ETV3: variants seen among roughly 807,000 people sequenced by gnomAD.
ETV3 encodes ETS variant transcription factor 3.
In ETV3, 8 loss-of-function variants were observed where a neutral mutation model predicts 33.0. That is an observed-to-expected ratio of 0.24 (90% CI 0.14 to 0.44). The LOEUF (loss-of-function observed/expected upper bound fraction) is 0.44. ETV3 is among the 20% of genes least tolerant of loss of function. The pLI, the probability that ETV3 is intolerant of heterozygous loss-of-function variation, is 1.00. For synonymous variants in ETV3, 222 were observed against 238.9 expected (o/e 0.93, Z 0.65); for missense variants, 473 against 652.3 (o/e 0.73, Z 2.99).
At position 157,124,589 on chromosome 1, in the gene ETV3, T is replaced by TA. The variant is rs1553246488; in HGVS notation, c.*251dup. 2 of 371,596 alleles carry TA rather than the reference T, an allele frequency of 5.4e-6. No homozygotes were observed. The highest frequency in any genetic ancestry group is 9.6e-6 in the Non-Finnish European group (2 of 208,462). 23.0% of individuals were successfully genotyped at this position (371,596 alleles called of 1,614,324 possible). A position where few individuals can be genotyped will look rare whatever the true frequency, so the allele number is the denominator to read the frequency against. The stretch of plus-strand genomic sequence containing the variant: ...AGAAAGTATAAGCCTCAACAGGAAA[T>TA]AGAGGCTCCTTCTCCTTTGAGTTCA... On this transcript the variant is annotated 3_prime_UTR_variant, in exon 5 of 5. Coordinates refer to ENST00000368192, the MANE Select transcript of ETV3 (RefSeq NM_001145312.3).
intron 3 of ETV3, chr1:157,135,033 G>C (rs967007162): frequency 3.5e-5 from 7 of 201,072 alleles, no homozygotes; most frequent in Admixed American, 1.6e-4. Flanking sequence ...TTCCGGAATA[G>C]ATAGGTCAGT....
In ETV3 at chr1:157,125,881, C is replaced by A; in HGVS notation, c.499G>T (p.Gly167Ter). ...GTTAGGGAGCTAGCAGAGAACCGTC[C>A]CGGCTGCACATCATTGGTTGGAGAA... ...THSPTNDVQPGRFSASSLTAS... is the reference protein window; with the variant it reads ...THSPTNDVQP The change falls in exon 5 of 5, where the codon GGA becomes TGA. Residue 167 changes from glycine to a stop codon, truncating the protein, a stop_gained. Coordinates refer to ENST00000368192, the MANE Select transcript of ETV3 (RefSeq NM_001145312.3). LOFTEE classifies it high-confidence loss of function. This position sits in a 1 kb window ranked among gnomAD's most constrained non-coding sequence, Gnocchi z 4.0. 6.4e-7 allele frequency: 1 copy of A among 1,551,720 alleles called. No homozygotes were observed. Among genetic ancestry groups the A allele is most frequent in the Non-Finnish European group, 8.7e-7 (1 of 1,147,012 alleles).
intron 2 of ETV3, 25 bp downstream of exon 2, chr1:157,136,282 T>G: frequency 6.2e-7 from 1 of 1,610,746 alleles, no homozygotes; most frequent in Non-Finnish European, 8.5e-7. Flanking sequence ...TCCAGGTACA[T>G]CAGAGATGAT....
Position 157,136,364 on chromosome 1 carries a change from T to C in ETV3, c.-12A>G. 1.2e-6 allele frequency: 2 copies of C among 1,607,808 alleles called. No individual in the cohort carries two copies. Among genetic ancestry groups the C allele is most frequent in the Non-Finnish European group, 1.7e-6 (2 of 1,177,574 alleles). ...CAGCCGGCTTTCATTTTCACCCGCC[T>C]GCTGAGAGACACAAGCCACACAATT... On this transcript the variant is annotated splice_region_variant and 5_prime_UTR_variant, in exon 2 of 5. Coordinates refer to ENST00000368192, the MANE Select transcript of ETV3 (RefSeq NM_001145312.3).
chr1:157,131,699 G>C (rs569441407), intron 4 of ETV3, among the ~76,000 whole-genome samples: 39 of 152,256 alleles, frequency 2.6e-4, no homozygotes, highest in African/African-American at 8.9e-4. Context: ...TGTAAAATGT[G>C]GATATCAAGA....
chr1:157,124,783 C>A lies in ETV3; in HGVS notation c.*58G>T. ...TCCCCCCCACCCTGAAATCTTGCTA[C>A]ATAAATACATGTATGTATTTGATTA... On this transcript the variant is annotated 3_prime_UTR_variant, in exon 5 of 5. Transcript: ENST00000368192. The A allele has an allele frequency of 1.3e-5, 3 of 226,092 alleles. No homozygotes were observed. Among genetic ancestry groups the A allele is most frequent in the Non-Finnish European group, 2.3e-5 (3 of 129,672 alleles). The allele number at this position is 226,092 out of a possible 1,614,324, so 14.0% of individuals were successfully genotyped here. A position where few individuals can be genotyped will look rare whatever the true frequency, so the allele number is the denominator to read the frequency against.
At position 157,124,696 on chromosome 1, in the gene ETV3, C is replaced by T; in HGVS notation, c.*145G>A. 1 of 824,968 alleles carries T rather than the reference C, an allele frequency of 1.2e-6. No homozygotes were observed. Among genetic ancestry groups the T allele is most frequent in the Non-Finnish European group, 1.8e-6 (1 of 551,652 alleles). The allele number at this position is 824,968 out of a possible 1,614,324, so 51.1% of individuals were successfully genotyped here. On this transcript the variant is annotated 3_prime_UTR_variant, in exon 5 of 5. Coordinates refer to ENST00000368192, the MANE Select transcript of ETV3 (RefSeq NM_001145312.3). ...TTTACAACAGAAGATAACCCCATCC[C>T]ATCCCCAAAACATAAAAATACAAGT...
At position 157,124,736 on chromosome 1, in the gene ETV3, T is replaced by C. The variant is rs762235763; in HGVS notation, c.*105A>G. 7.5e-5 allele frequency: 86 copies of C among 1,149,450 alleles called. No homozygotes were observed. Among genetic ancestry groups the C allele is most frequent in the Admixed American group, 1.2e-4 (4 of 34,134 alleles). 71.2% of individuals were successfully genotyped at this position (1,149,450 alleles called of 1,614,324 possible). ...AAAATACAAGTCTATGCCCCTAGAA[T>C]GATCAAACCAGTTTAACTCCCTCCC... On this transcript the variant is annotated 3_prime_UTR_variant, in exon 5 of 5. Transcript: ENST00000368192.
chr1:157,123,426 T>C lies in ETV3; in HGVS notation c.*1415A>G, dbSNP rs536404025. The C allele has an allele frequency of 2.0e-5, 3 of 152,386 alleles. No individual in the cohort carries two copies. Among genetic ancestry groups the C allele is most frequent in the African/African-American group, 4.8e-5 (2 of 41,590 alleles). 9.4% of individuals were successfully genotyped at this position (152,386 alleles called of 1,614,324 possible). On this transcript the variant is annotated 3_prime_UTR_variant, in exon 5 of 5. Coordinates refer to ENST00000368192, the MANE Select transcript of ETV3 (RefSeq NM_001145312.3). Reference sequence around the variant, plus strand: ...CTATAAACTGTAGTCTCATGTGGGATAGTCAATTGAACATGAGAATCAGAA... The same window carrying C: ...CTATAAACTGTAGTCTCATGTGGGACAGTCAATTGAACATGAGAATCAGAA...
intron 4 of ETV3, among the ~76,000 whole-genome samples, chr1:157,127,784 C>T (rs192874409): frequency 1.3e-5 from 2 of 152,074 alleles, no homozygotes; most frequent in African/African-American, 4.8e-5. Flanking sequence ...TGGCCTCAAA[C>T]GATAAACTTG....
chr1:157,135,135 G>T (rs763803522), intron 3 of ETV3: 5 of 350,918 alleles, frequency 1.4e-5, no homozygotes, highest in Non-Finnish European at 2.6e-5. Context: ...GATTCTAATA[G>T]AGAAGTCTAA....
intron 4 of ETV3, among the ~76,000 whole-genome samples, chr1:157,132,679 C>G (rs1024110093): frequency 6.6e-6 from 1 of 151,790 alleles, no homozygotes; most frequent in Non-Finnish European, 1.5e-5. Context: ...GTCTGATTTC[C>G]TAACGCCTCT....
At chr1:157,133,624 C>G (rs1198183751) in intron 4 of ETV3, 1 of 987,324 alleles carries the variant, frequency 1.0e-6, no homozygotes, top group Non-Finnish European at 1.2e-6. Context: ...AAAGACACTG[C>G]TTTTCACTGC....
intron 4 of ETV3, among the ~76,000 whole-genome samples, chr1:157,130,673 C>T (rs1674949167): frequency 1.3e-5 from 2 of 152,160 alleles, no homozygotes; most frequent in African/African-American, 4.8e-5. Context: ...GCCTCAGTTT[C>T]CTTACCTGTA....
intron 4 of ETV3, among the ~76,000 whole-genome samples, chr1:157,127,579 T>A (rs1487794227): frequency 6.7e-6 from 1 of 149,368 alleles, no homozygotes; most frequent in Non-Finnish European, 1.5e-5. Context: ...AGGGTTTCAC[T>A]CTGTTGCCCA....
chr1:157,126,007 G>C, intron 4 of ETV3, 28 bp from the exon 5 acceptor site: 1 of 1,506,402 alleles, frequency 6.6e-7, no homozygotes, highest in East Asian at 2.5e-5. Flanking sequence ...ACAAAAGCCT[G>C]CATCAGAGGA....
intron 1 of ETV3, among the ~76,000 whole-genome samples, chr1:157,136,922 T>C (rs535222598): frequency 9.9e-5 from 15 of 152,156 alleles, no homozygotes; most frequent in African/African-American, 3.4e-4. Flanking sequence ...AACTGCTCCC[T>C]CCCCCTTGAA....
intron 4 of ETV3, among the ~76,000 whole-genome samples, chr1:157,130,273 G>A (rs1674938391): frequency 6.6e-6 from 1 of 152,154 alleles, no homozygotes; most frequent in Admixed American, 6.5e-5. Flanking sequence ...GTAATGGGAG[G>A]TGAGACTAGA....
intron 4 of ETV3, among the ~76,000 whole-genome samples, chr1:157,127,003 G>A (rs56012446): frequency 1.3e-5 from 2 of 151,646 alleles, no homozygotes; most frequent in Non-Finnish European, 3.0e-5. Flanking sequence ...ACTGTGGGGA[G>A]GGGCAGAGCT....
Sources: gnomAD v4.1 joint callset for allele counts (sites outside exome capture counted in the v4.1 genomes callset) on GRCh38, gnomAD v4.1.1 for gene constraint, Gnocchi (gnomAD v3.1) non-coding constraint, MANE v1.5 for transcripts, NCBI Gene and HGNC (gene_info 2026-07-23, HGNC 2026-07-21) for gene names.